The following DOCK9 variants were observed in gnomAD, a reference collection of about 807,000 sequenced individuals.
DOCK9 encodes dedicator of cytokinesis 9, also known as dedicator of cytokinesis protein 9.
A neutral mutation model predicts 263.3 loss-of-function variants in DOCK9; 89 were observed. The observed-to-expected ratio is 0.34, with a 90% CI of 0.28 to 0.40. The LOEUF (loss-of-function observed/expected upper bound fraction) is 0.40, where lower values mean the gene tolerates loss of function less well. DOCK9 is among the 10% of genes least tolerant of loss of function. The pLI is 1.00. For synonymous variants in DOCK9, 976 were observed against 973.1 expected (o/e 1.00, Z -0.06); for missense variants, 2,140 against 2,603.4 (o/e 0.82, Z 3.87).
At position 98,921,985 on chromosome 13, in the gene DOCK9, T is replaced by C. The variant is rs560617993; in HGVS notation, c.582+66A>G. The C allele has an allele frequency of 9.2e-4, 1,206 of 1,306,536 alleles. 1 individual carries two copies. Among genetic ancestry groups the C allele is most frequent in the Non-Finnish European group, 1.1e-3 (1,036 of 931,328 alleles). 80.9% of individuals were successfully genotyped at this position (1,306,536 alleles called of 1,614,324 possible). On this transcript the variant is annotated intron_variant, in intron 6 of 52. Transcript: ENST00000682017. The stretch of plus-strand genomic sequence containing the variant: ...ACAGCATGCGCATTCATCTTGAGCA[T>C]TGTTCTCGAGCTCTATGGCAGAAAG...
chr13:98,947,596 G>A (rs568592402), intron 2 of DOCK9, among the ~76,000 whole-genome samples: 124 of 143,038 alleles, frequency 8.7e-4, no homozygotes, highest in Middle Eastern at 4.0e-3. Context: ...TGTAACCTCC[G>A]CCTCCCGGGT....
rs1264175443 is a variant in DOCK9, at chr13:98,855,920, T to G, written c.3809A>C (p.Glu1270Ala). 3 of 1,614,002 alleles carry G rather than the reference T, an allele frequency of 1.9e-6. No individual in the cohort carries two copies. The South Asian group carries it at 3.3e-5, about 18-fold the overall frequency. ...TACCTTATCCAGGGAATTGCTCTTCTCACTATTCCTTTCTGGAAGGCTGTT... is the reference window on the plus strand; with the variant it reads ...TACCTTATCCAGGGAATTGCTCTTCGCACTATTCCTTTCTGGAAGGCTGTT... ...SGNSLPERNS[E>A]KSNSLDKHQQ... is the part of the protein sequence containing the mutation. The change falls in exon 34 of 53, where the codon GAG becomes GCG. Residue 1270 changes from glutamate (E) to alanine (A), a missense_variant. By Grantham distance (107) the Glu-to-Ala change is moderately radical. Coordinates refer to ENST00000682017, the MANE Select transcript of DOCK9 (RefSeq NM_001366683.2).
At chr13:98,848,533 C>T in intron 37 of DOCK9, 59 bp downstream of exon 37, 2 of 1,559,108 alleles carry the variant, frequency 1.3e-6, no homozygotes, top group Admixed American at 3.7e-5. Context: ...CAATCCCACA[C>T]AATCAGAGCC....
chr13:98,940,246 A>G (rs945171951), intron 2 of DOCK9, among the ~76,000 whole-genome samples: 21 of 152,338 alleles, frequency 1.4e-4, no homozygotes, highest in African/African-American at 4.3e-4. Flanking sequence ...AGCGTTGCCT[A>G]AAGAGCCTCG....
chr13:98,881,568 G>T lies in DOCK9; in HGVS notation c.2735C>A (p.Ser912Ter). The change falls in exon 25 of 53, where the codon TCA becomes TAA. Residue 912 changes from serine (S) to a stop codon, truncating the protein, a stop_gained. Coordinates refer to ENST00000682017, the MANE Select transcript of DOCK9 (RefSeq NM_001366683.2). LOFTEE classifies it high-confidence loss of function. ...GTGTGTTTTACATACCTTAACATAT[G>T]ACCTCAAGTGGCTCTCCAATCCTTC... ...HEEGLESHLR[S>*]YVKYAYKAEP... The T allele has an allele frequency of 3.7e-6, 6 of 1,605,416 alleles. No homozygotes were observed. In the South Asian group the frequency reaches 6.8e-5, roughly 18 times the overall value.
intron 1 of DOCK9, among the ~76,000 whole-genome samples, chr13:99,010,548 GAACT>G (rs1250024104): frequency 6.6e-6 from 1 of 152,098 alleles, no homozygotes; most frequent in African/African-American, 2.4e-5. Flanking sequence ...TAAATGAGTT[GAACT>G]AACACAGTCA....
chr13:99,044,735 G>A (rs1888793142), intron 1 of DOCK9, among the ~76,000 whole-genome samples: 1 of 152,192 alleles, frequency 6.6e-6, no homozygotes, highest in Non-Finnish European at 1.5e-5. Context: ...ATGTGTTGAA[G>A]ACAAGAGCAA....
chr13:98,951,898 A>C, intron 2 of DOCK9, among the ~76,000 whole-genome samples: 1 of 99,692 alleles, frequency 1.0e-5, no homozygotes, highest in Non-Finnish European at 2.1e-5. Flanking sequence ...CTTCATTAAT[A>C]TTCCCTTTTT....
At chr13:98,863,865 ATATGT>A (rs2093945642) in intron 30 of DOCK9, among the ~76,000 whole-genome samples, 1 of 152,246 alleles carries the variant, frequency 6.6e-6, no homozygotes. Context: ...AGAACACAGC[ATATGT>A]TATATTACAA....
intron 3 of DOCK9, among the ~76,000 whole-genome samples, chr13:98,928,656 C>T (rs773164063): frequency 2.6e-5 from 4 of 152,156 alleles, no homozygotes; most frequent in Admixed American, 6.5e-5. Context: ...CTTTGAGGGT[C>T]ATATTATCTC....
intron 1 of DOCK9, among the ~76,000 whole-genome samples, chr13:99,063,332 C>G (rs2041277132): frequency 8.2e-6 from 1 of 121,780 alleles, no homozygotes; most frequent in Non-Finnish European, 1.6e-5. Context: ...TGTGGGGAAC[C>G]CTTCCCAGCC....
Position 98,883,119 on chromosome 13 carries a change from G to A in DOCK9, c.2482C>T (p.His828Tyr), listed in dbSNP as rs1163420019. Residue 828 changes from histidine to tyrosine, a missense_variant, in exon 23 of 53, where the codon CAT becomes TAT. Physicochemically the swap from His to Tyr is moderately conservative, Grantham distance 83. This residue lies in a region of DOCK9 where 1,521 missense variants were observed against 1,741.7 expected (regional missense o/e 0.87). Transcript: ENST00000682017. ...STVYTQDQHLHNFFQYCQKTE... is the reference protein window; with the variant it reads ...STVYTQDQHLYNFFQYCQKTE... ...TTCTGACAGTACTGGAAAAAATTAT[G>A]TAAATGCTGATCCTGAGGTAGGGAA... 1.9e-6 allele frequency: 3 copies of A among 1,613,606 alleles called. No homozygotes were observed. The East Asian group carries it at 6.7e-5, about 36-fold the overall frequency.
chr13:98,880,539 T>C lies in DOCK9; in HGVS notation c.2871+8A>G. The C allele has an allele frequency of 6.2e-7, 1 of 1,613,844 alleles. No individual in the cohort carries two copies. The highest frequency in any genetic ancestry group is 8.5e-7 in the Non-Finnish European group (1 of 1,179,852). ...TCAATCAGAGCCACACTGACTCTCC[T>C]GACATACCTTCAGTAGTTTGTTGCT... On this transcript the variant is annotated splice_region_variant and intron_variant, in intron 26 of 52. Transcript: ENST00000682017.
intron 1 of DOCK9, among the ~76,000 whole-genome samples, chr13:99,045,352 T>C (rs916300328): frequency 6.6e-6 from 1 of 152,116 alleles, no homozygotes; most frequent in African/African-American, 2.4e-5. Context: ...AAAGAAATCG[T>C]CTGCAACAAC....
At chr13:98,807,546 G>A (rs148627769) in intron 48 of DOCK9, 115 bp downstream of exon 48, 969 of 998,806 alleles carry the variant, frequency 9.7e-4, no homozygotes, top group Admixed American at 1.4e-3. Flanking sequence ...GCCACTCACG[G>A]CCAACAATCC....
chr13:98,997,425 TCA>T (rs932559459), intron 1 of DOCK9, among the ~76,000 whole-genome samples: 2 of 152,210 alleles, frequency 1.3e-5, no homozygotes, highest in Non-Finnish European at 2.9e-5. Flanking sequence ...GCCCCGCACC[TCA>T]GAGTTGCTTT....
chr13:99,073,222 C>T (rs781243269), intron 1 of DOCK9, among the ~76,000 whole-genome samples: 1 of 152,162 alleles, frequency 6.6e-6, no homozygotes, highest in Non-Finnish European at 1.5e-5. Flanking sequence ...ATATCCTACC[C>T]CTGATGTCAA....
intron 1 of DOCK9, among the ~76,000 whole-genome samples, chr13:99,050,405 C>A (rs1369553830): frequency 6.6e-6 from 1 of 152,110 alleles, no homozygotes; most frequent in African/African-American, 2.4e-5. Context: ...ATCCAATCAA[C>A]ATGTCATGAC....
rs66506438 is a variant in DOCK9 at position 99,067,870 on chromosome 13, C to CTTT, written c.129+18350_129+18352dup. 6.3e-4 allele frequency among the ~76,000 whole-genome samples: 90 copies of CTTT among 142,408 alleles called. 1 individual carries two copies. The highest frequency in any genetic ancestry group is 9.8e-4 in the Admixed American group (14 of 14,334). 93.4% of individuals were successfully genotyped at this position (142,408 alleles called of 152,430 possible). ...AGATTCCACATTGTAAGGACAGAAG[C>CTTT]TTTTTTTTTTTTTTTTAAATGTCTA... On this transcript the variant is annotated intron_variant, in intron 1 of 32. Coordinates refer to the DOCK9 transcript ENST00000427887.
Sources: gnomAD v4.1 joint callset for allele counts (sites outside exome capture counted in the v4.1 genomes callset) on GRCh38, gnomAD v4.1.1 for gene constraint, gnomAD v4.1.1 regional missense constraint, MANE v1.5 for transcripts, NCBI Gene and HGNC (gene_info 2026-07-23, HGNC 2026-07-21) for gene names.